HLA-DPB1: variants seen among roughly 807,000 people sequenced by gnomAD.
HLA-DPB1 encodes HLA class II histocompatibility antigen, DP beta 1 chain.
Under a neutral mutation model 29.4 loss-of-function variants are expected in HLA-DPB1, and 30 were observed. That is an observed-to-expected ratio of 1.02 (90% CI 0.76 to 1.38). The LOEUF (loss-of-function observed/expected upper bound fraction) is 1.38. HLA-DPB1 is among the 40% of genes most tolerant of loss of function. The pLI is 0.00. For missense variants in HLA-DPB1, 261 were observed against 327.5 expected, an observed-to-expected ratio of 0.80 and a Z score of 1.57; for synonymous variants, 114 against 134.0, an observed-to-expected ratio of 0.85 and a Z score of 1.03.
rs1042331 is a variant in HLA-DPB1, at chr6:33,085,173, T to C, written c.588T>C (p.Asp196=). 503,886 of 1,596,414 alleles carry C rather than the reference T, an allele frequency of 0.32. 87,291 individuals are homozygous for C. The highest frequency in any genetic ancestry group is 0.6 in the East Asian group (26,928 of 44,738). The change falls in exon 3 of 6, where the codon GAT becomes GAC. Residue 196 remains aspartate (D), a synonymous_variant. Transcript: ENST00000418931. ...TGGAAATGACCCCCCAGCAGGGAGA[T>C]GTCTACACCTGCCAAGTGGAGCACA... The part of the protein sequence containing the change: ...VMLEMTPQQG[D]VYTCQVEHTS...
At position 33,084,991 on chromosome 6, in the gene HLA-DPB1, T is replaced by C. The variant is rs1042187; in HGVS notation, c.406T>C (p.Leu136=). The stretch of plus-strand genomic sequence containing the variant: ...TGTTTCCCCCTCCAAGAAGGGGCCC[T>C]TGCAGCACCACAACCTGCTTGTCTG... ...VNVSPSKKGP[L]QHHNLLVCHV... Residue 136 remains leucine, a synonymous_variant, in exon 3 of 6, where the codon TTG becomes CTG. Transcript: ENST00000418931. The C allele has an allele frequency of 0.14, 137,093 of 990,076 alleles. 26,058 individuals carry two copies. Among genetic ancestry groups the C allele is most frequent in the East Asian group, 0.56 (18,948 of 33,738 alleles). The allele number at this position is 990,076 out of a possible 1,614,324, so 61.3% of individuals were successfully genotyped here.
rs947981553 is a variant in HLA-DPB1, at chr6:33,087,934, A to C, written c.*1400A>C. Among the ~76,000 whole-genome samples the C allele has an allele frequency of 7.0e-6, 1 of 142,978 alleles. No individual in the cohort carries two copies. The highest frequency in any genetic ancestry group is 3.0e-5 in the African/African-American group (1 of 33,634). 93.8% of individuals were successfully genotyped at this position (142,978 alleles called of 152,430 possible). On this transcript the variant is annotated 3_prime_UTR_variant, in exon 6 of 6. Coordinates refer to ENST00000418931, the MANE Select transcript of HLA-DPB1 (RefSeq NM_002121.6). The stretch of plus-strand genomic sequence containing the variant: ...GACACAATCATTTTTTCTTTTTAAA[A>C]CATCTTTATCCCTGATCAGCCTCAT...
chr6:33,082,482 C>T (rs1480083354), intron 2 of HLA-DPB1, among the ~76,000 whole-genome samples: 2 of 152,120 alleles, frequency 1.3e-5, no homozygotes, highest in Non-Finnish European at 2.9e-5. Flanking sequence ...AATCAGCTCC[C>T]TAGAGGTTCC....
chr6:33,079,595 T>G (rs879241208), intron 1 of HLA-DPB1: 1 of 441,858 alleles, frequency 2.3e-6, no homozygotes, highest in South Asian at 1.8e-5. Context: ...TCGTAGAAGG[T>G]CCAAGGGCCA....
intron 2 of HLA-DPB1, chr6:33,083,420 A>G (rs1762960304): frequency 6.6e-6 from 1 of 152,128 alleles, no homozygotes; most frequent in African/African-American, 2.4e-5. Context: ...CCCTGAATGA[A>G]CTGTTCTCTA....
chr6:33,086,468 A>G, intron 5 of HLA-DPB1, 71 bp from the exon 6 acceptor site: 1 of 696,774 alleles, frequency 1.4e-6, no homozygotes, highest in Non-Finnish European at 2.7e-6. Context: ...TCCTCTCACC[A>G]TAATTTTTCT....
In HLA-DPB1 at chr6:33,087,625, C is replaced by T. The variant is rs1763172249; in HGVS notation, c.*1091C>T. On this transcript the variant is annotated 3_prime_UTR_variant, in exon 6 of 6. Transcript: ENST00000418931. Reference sequence around the variant, plus strand: ...GGCTTCTTACAAGCATCTTCTGGGCCTTGTGTGTCCCTGGGCACCTGTCCC... The same window carrying T: ...GGCTTCTTACAAGCATCTTCTGGGCTTTGTGTGTCCCTGGGCACCTGTCCC... Among the ~76,000 whole-genome samples the T allele has an allele frequency of 1.3e-5, 2 of 152,200 alleles. No individual in the cohort carries two copies. The highest frequency in any genetic ancestry group is 1.3e-4 in the Admixed American group (2 of 15,282).
At chr6:33,084,537 C>A (rs1240913942) in intron 2 of HLA-DPB1, among the ~76,000 whole-genome samples, 3 of 152,078 alleles carry the variant, frequency 2.0e-5, no homozygotes, top group African/African-American at 7.2e-5. Context: ...GTAATCCCAG[C>A]CCTTTGAGAG....
intron 2 of HLA-DPB1, among the ~76,000 whole-genome samples, chr6:33,081,837 G>A (rs1762883512): frequency 1.3e-5 from 2 of 152,172 alleles, no homozygotes; most frequent in South Asian, 4.2e-4. Context: ...AAGGGATGGA[G>A]AGAGGTGAGG....
At chr6:33,084,640 A>T (rs1252164214) in intron 2 of HLA-DPB1, among the ~76,000 whole-genome samples, 2 of 151,978 alleles carry the variant, frequency 1.3e-5, no homozygotes, top group Non-Finnish European at 2.9e-5. Context: ...CTCTACTAAT[A>T]ATACAAAAAT....
intron 2 of HLA-DPB1, among the ~76,000 whole-genome samples, chr6:33,081,562 C>A (rs1465663406): frequency 6.6e-6 from 1 of 151,996 alleles, no homozygotes; most frequent in African/African-American, 2.4e-5. Context: ...GGGGAGGTGA[C>A]CTCAGCAGCA....
chr6:33,080,602 T>TAA lies in HLA-DPB1; in HGVS notation c.101-70_101-69insAA. 8 of 1,593,944 alleles carry TAA rather than the reference T, an allele frequency of 5.0e-6. No individual in the cohort carries two copies. In the South Asian group the frequency reaches 8.8e-5, roughly 18 times the overall value. ...AAGATTTGGGAAGAATCGTTAATATTGAGAGAGAGAGGGAGAAAGAGGATT... is the reference window on the plus strand; with the variant it reads ...AAGATTTGGGAAGAATCGTTAATATTAAGAGAGAGAGAGGGAGAAAGAGGATT... On this transcript the variant is annotated intron_variant, in intron 1 of 5. Transcript: ENST00000418931. This position sits in a 1 kb window ranked among gnomAD's most constrained non-coding sequence, Gnocchi z 4.3.
At chr6:33,079,876 GT>G in intron 1 of HLA-DPB1, 1 of 292,412 alleles carries the variant, frequency 3.4e-6, no homozygotes, top group East Asian at 9.7e-5. Context: ...TCATGTCCAC[GT>G]TTTGTGTGTA....
rs564159821 is a variant in HLA-DPB1 at position 33,086,581 on chromosome 6, G to C, written c.*47G>C. ...AAAAGACTATTGTGCCTTAGGAAAA[G>C]CATTTGCTGTGTTTCGTTAGCATCT... is the stretch of plus-strand genomic sequence containing the variant. On this transcript the variant is annotated 3_prime_UTR_variant, in exon 6 of 6. Coordinates refer to ENST00000418931, the MANE Select transcript of HLA-DPB1 (RefSeq NM_002121.6). 1.1e-3 allele frequency: 643 copies of C among 581,340 alleles called. 2 individuals carry two copies. In the African/African-American group the frequency reaches 0.012, roughly 11 times the overall value. 36.0% of individuals were successfully genotyped at this position (581,340 alleles called of 1,614,324 possible).
At chr6:33,077,855 A>C (rs940954981) in intron 1 of HLA-DPB1, among the ~76,000 whole-genome samples, 1 of 152,018 alleles carries the variant, frequency 6.6e-6, no homozygotes, top group East Asian at 1.9e-4. Flanking sequence ...CAGCCCCTCA[A>C]GCCCTAAAAC....
At position 33,080,707 on chromosome 6, in the gene HLA-DPB1, G is replaced by A. The variant is rs41555313; in HGVS notation, c.136G>A (p.Ala46Thr). 4 of 1,613,102 alleles carry A rather than the reference G, an allele frequency of 2.5e-6. No individual in the cohort carries two copies. The highest frequency in any genetic ancestry group is 3.4e-6 in the Non-Finnish European group (4 of 1,179,790). ...TTTCCAGGGACGGCAGGAATGCTAC[G>A]CGTTTAATGGGACACAGCGCTTCCT... ...YLFQGRQECYAFNGTQRFLER... is the reference protein window; with the variant it reads ...YLFQGRQECYTFNGTQRFLER... The change falls in exon 2 of 6, where the codon GCG becomes ACG. Residue 46 changes from alanine (A) to threonine (T), a missense_variant. Ala to Thr is a moderately conservative substitution (Grantham distance 58). Transcript: ENST00000418931. This position sits in a 1 kb window ranked among gnomAD's most constrained non-coding sequence, Gnocchi z 4.3.
chr6:33,080,896 A>T lies in HLA-DPB1; in HGVS notation c.325A>T (p.Asn109Tyr). ...AGTGCCGGACAGGATGTGCAGACACAACTACGAGCTGGGCGGGCCCATGAC... is the reference window on the plus strand; with the variant it reads ...AGTGCCGGACAGGATGTGCAGACACTACTACGAGCTGGGCGGGCCCATGAC... ...RAVPDRMCRH[N>Y]YELGGPMTLQ... Residue 109 changes from asparagine to tyrosine, a missense_variant, in exon 2 of 6, where the codon AAC becomes TAC. Transcript: ENST00000418931. This position sits in a 1 kb window ranked among gnomAD's most constrained non-coding sequence, Gnocchi z 4.3. The T allele has an allele frequency of 6.2e-7, 1 of 1,610,210 alleles. No homozygotes were observed.
chr6:33,080,656 C>T lies in HLA-DPB1; in HGVS notation c.101-16C>T. ...TGAGAGTGGCGCCTCCGCTCATGTC[C>T]GCCCCCTCCCCGCAGAGAATTACCT... On this transcript the variant is annotated splice_polypyrimidine_tract_variant and intron_variant, in intron 1 of 5. Transcript: ENST00000418931. The surrounding 1 kb of genome is among the most constrained non-coding windows in gnomAD (Gnocchi z 4.3). 6.2e-7 allele frequency: 1 copy of T among 1,612,178 alleles called. No homozygotes were observed. The highest frequency in any genetic ancestry group is 8.5e-7 in the Non-Finnish European group (1 of 1,179,246).
At chr6:33,079,721 A>G (rs1265624596) in intron 1 of HLA-DPB1, 2 of 511,822 alleles carry the variant, frequency 3.9e-6, no homozygotes, top group Non-Finnish European at 7.8e-6. Flanking sequence ...AGTGCTGCTG[A>G]TGTGCAACAA....
Sources: gnomAD v4.1 joint callset for allele counts (sites outside exome capture counted in the v4.1 genomes callset) on GRCh38, gnomAD v4.1.1 for gene constraint, Gnocchi (gnomAD v3.1) non-coding constraint, MANE v1.5 for transcripts, NCBI Gene and HGNC (gene_info 2026-07-23, HGNC 2026-07-21) for gene names.